Variants in DHX40 observed in about 807,000 individuals in gnomAD.
DHX40 encodes the protein DEAH-box helicase 40, also known as probable ATP-dependent RNA helicase DHX40.
In DHX40, 28 loss-of-function variants were observed where a neutral mutation model predicts 89.6. That is an observed-to-expected ratio of 0.31 (90% confidence interval 0.23 to 0.43). The LOEUF is 0.43. Ranked by LOEUF, DHX40 falls within the 20% of genes least tolerant of loss-of-function variation. The pLI, the probability that DHX40 is intolerant of heterozygous loss-of-function variation, is 1.00. For missense variants in DHX40, 457 were observed against 844.0 expected (o/e 0.54, Z 5.68); for synonymous variants, 226 against 283.6 (o/e 0.80, Z 2.04).
rs1312012760 is a variant in DHX40 at position 59,598,677 on chromosome 17, CA to C, written c.1583-57del. Reference sequence around the variant, plus strand: ...GCAGATTTTAATGAGTTTCTGAAAGCAAAGTGATTGTAGGCACTTAATGCAA... The same window carrying C: ...GCAGATTTTAATGAGTTTCTGAAAGCAAGTGATTGTAGGCACTTAATGCAA... On this transcript the variant is annotated intron_variant, in intron 12 of 17. Coordinates refer to ENST00000251241, the MANE Select transcript of DHX40 (RefSeq NM_024612.5). 6.6e-6 allele frequency: 4 copies of C among 603,324 alleles called. No homozygotes were observed. In the East Asian group the frequency reaches 8.7e-5, roughly 13 times the overall value. The allele number at this position is 603,324 out of a possible 1,614,324, so 37.4% of individuals were successfully genotyped here. A position where few individuals can be genotyped will look rare whatever the true frequency, so the allele number is the denominator to read the frequency against.
chr17:59,582,188 G>A (rs2048954720), intron 10 of DHX40, among the ~76,000 whole-genome samples: 1 of 115,782 alleles, frequency 8.6e-6, no homozygotes, highest in African/African-American at 4.2e-5. Context: ...TAGAAAAATA[G>A]GAACAATAAT....
At chr17:59,575,304 TC>T (rs1223550720) in intron 6 of DHX40, 35 bp from the exon 7 acceptor site, 1 of 1,473,480 alleles carries the variant, frequency 6.8e-7, no homozygotes, top group East Asian at 2.4e-5. Flanking sequence ...ATTTTTCTGT[TC>T]AGTTGCTGAA....
intron 12 of DHX40, among the ~76,000 whole-genome samples, chr17:59,596,558 A>T (rs1307380339): frequency 6.6e-6 from 1 of 152,206 alleles, no homozygotes; most frequent in Non-Finnish European, 1.5e-5. Flanking sequence ...GCAGAGCGAG[A>T]CTGTCTCAAA....
intron 2 of DHX40, among the ~76,000 whole-genome samples, chr17:59,567,944 A>T (rs545305992): frequency 6.6e-6 from 1 of 150,756 alleles, no homozygotes; most frequent in Non-Finnish European, 1.5e-5. Flanking sequence ...AAAAAAAAAA[A>T]ATTTTTTAGG....
intron 11 of DHX40, among the ~76,000 whole-genome samples, chr17:59,586,684 A>T (rs948168008): frequency 6.6e-6 from 1 of 151,860 alleles, no homozygotes; most frequent in African/African-American, 2.4e-5. Flanking sequence ...AAAAAGGAGA[A>T]AGAAACTGCA....
At chr17:59,577,204 C>A in intron 7 of DHX40, 62 bp from the exon 8 acceptor site, 3 of 1,420,132 alleles carry the variant, frequency 2.1e-6, no homozygotes, top group South Asian at 1.2e-5. Context: ...TTAAGTTCTT[C>A]AAAACTCGAG....
At chr17:59,606,093 C>T (rs2030834135) in intron 17 of DHX40, among the ~76,000 whole-genome samples, 1 of 151,532 alleles carries the variant, frequency 6.6e-6, no homozygotes, top group African/African-American at 2.4e-5. Context: ...ATTGCCCAGG[C>T]TGGAGTGTAA....
intron 12 of DHX40, among the ~76,000 whole-genome samples, chr17:59,596,072 A>G (rs2030036837): frequency 6.6e-6 from 1 of 152,088 alleles, no homozygotes; most frequent in Admixed American, 6.6e-5. Context: ...GTTAAAATTT[A>G]TCAAAAATGC....
chr17:59,568,977 T>C (rs2048747841), intron 2 of DHX40, among the ~76,000 whole-genome samples: 1 of 152,098 alleles, frequency 6.6e-6, no homozygotes, highest in Non-Finnish European at 1.5e-5. Context: ...GCCAGGCTCC[T>C]GAGTAGCTGG....
At chr17:59,602,369 AT>A (rs1448125992) in intron 14 of DHX40, among the ~76,000 whole-genome samples, 152 bp from the exon 15 acceptor site, 5 of 151,904 alleles carry the variant, frequency 3.3e-5, no homozygotes, top group African/African-American at 1.2e-4. Flanking sequence ...TATTTTTTCC[AT>A]TTTTTTGGTT....
rs758958168 is a variant in DHX40, at chr17:59,605,604, G to A, written c.2130G>A (p.Val710=). The A allele has an allele frequency of 6.2e-7, 1 of 1,614,086 alleles. No homozygotes were observed. The highest frequency in any genetic ancestry group is 8.5e-7 in the Non-Finnish European group (1 of 1,180,008). ...HEFNAHDLSS[V]ARREVREDAR... ...TTAATGCACATGATTTGAGCAGTGT[G>A]GCCCGACGTGAAGTGAGAGAAGATG... The change falls in exon 17 of 18, where the codon GTG becomes GTA. Residue 710 remains valine, a synonymous_variant. Transcript: ENST00000251241.
chr17:59,590,927 C>T (rs1300794036), intron 12 of DHX40, among the ~76,000 whole-genome samples: 1 of 151,110 alleles, frequency 6.6e-6, no homozygotes, highest in Non-Finnish European at 1.5e-5. Flanking sequence ...TATCCCAGCT[C>T]CTTGGGAGAC....
chr17:59,604,843 T>A, intron 15 of DHX40: 1 of 331,268 alleles, frequency 3.0e-6, no homozygotes, highest in Non-Finnish European at 5.5e-6. Flanking sequence ...TTCCTGGCTC[T>A]CAAAGCTCAT....
intron 12 of DHX40, among the ~76,000 whole-genome samples, chr17:59,592,223 A>G (rs965403650): frequency 6.6e-5 from 10 of 151,980 alleles, no homozygotes; most frequent in African/African-American, 2.4e-4. Context: ...TCCAGAATCC[A>G]TATTGAAATT....
chr17:59,570,557 G>A lies in DHX40; in HGVS notation c.320G>A (p.Arg107Gln), dbSNP rs1179083080. The A allele has an allele frequency of 3.1e-6, 5 of 1,606,740 alleles. No homozygotes were observed. The highest frequency in any genetic ancestry group is 1.7e-5 in the Admixed American group (1 of 59,022). ...QHGMIGVTQP[R>Q]KVAAISVAQR... ...GGTATGATTGGTGTAACTCAACCACGAAAAGTAGCTGCTATATCAGTTGCT... is the reference window on the plus strand; with the variant it reads ...GGTATGATTGGTGTAACTCAACCACAAAAAGTAGCTGCTATATCAGTTGCT... The change falls in exon 3 of 18, where the codon CGA becomes CAA. Residue 107 changes from arginine to glutamine, a missense_variant. Coordinates refer to ENST00000251241, the MANE Select transcript of DHX40 (RefSeq NM_024612.5).
chr17:59,605,280 T>G, intron 16 of DHX40, 96 bp downstream of exon 16: 1 of 1,346,050 alleles, frequency 7.4e-7, no homozygotes, highest in Non-Finnish European at 1.0e-6. Flanking sequence ...GGAGTTAAAT[T>G]TACATATATC....
Position 59,575,353 on chromosome 17 carries a change from A to G in DHX40, c.855A>G (p.Ile285Met). The G allele has an allele frequency of 1.9e-6, 3 of 1,585,976 alleles. No individual in the cohort carries two copies. Among genetic ancestry groups the G allele is most frequent in the Non-Finnish European group, 1.7e-6 (2 of 1,170,370 alleles). ...TTCCCATTTTAGGCCAGTTTGAAAT[A>G]GAAAAAAGTTGTGAGTTACTTTTTC... ...ILVFLTGQFE[I>M]EKSCELLFQM... The change falls in exon 7 of 18, where the codon ATA becomes ATG. Residue 285 changes from isoleucine to methionine, a missense_variant. Physicochemically the swap from Ile to Met is conservative, Grantham distance 10. Around this residue, in one of 9 missense-constraint regions of DHX40, gnomAD observed 116 missense variants for 188.9 expected, o/e 0.61. Transcript: ENST00000251241.
At chr17:59,604,308 T>C (rs1567902396) in intron 15 of DHX40, 1 of 152,196 alleles carries the variant, frequency 6.6e-6, no homozygotes, top group Non-Finnish European at 1.5e-5. Flanking sequence ...TCAACTTTTC[T>C]GTAAATTTAG....
At chr17:59,598,935 A>G (rs2030296893) in intron 13 of DHX40, 84 bp downstream of exon 13, 5 of 764,132 alleles carry the variant, frequency 6.5e-6, no homozygotes, top group East Asian at 5.0e-5. Flanking sequence ...TTGTGACACT[A>G]ACGTTCAGTG....
Sources: allele counts gnomAD v4.1 joint callset (sites outside exome capture counted in the v4.1 genomes callset), GRCh38; gene constraint gnomAD v4.1.1; regional missense constraint gnomAD v4.1.1; transcripts MANE v1.5; gene names NCBI Gene and HGNC (gene_info 2026-07-23, HGNC 2026-07-21).